Variants in SNX10 observed in about 807,000 individuals in gnomAD.
SNX10 encodes sorting nexin 10.
Under a neutral mutation model 28.5 loss-of-function variants are expected in SNX10, and 25 were observed. The observed-to-expected ratio is 0.88, with a 90% confidence interval of 0.64 to 1.22. The LOEUF is 1.22. Among genes scored for constraint, SNX10 ranks in the 50% most tolerant of loss-of-function variants. SNX10 has a pLI of 0.00. For synonymous variants in SNX10, 62 were observed against 81.4 expected, an observed-to-expected ratio of 0.76 and a Z score of 1.28; for missense variants, 223 against 242.6, an observed-to-expected ratio of 0.92 and a Z score of 0.54.
intron 1 of SNX10, among the ~76,000 whole-genome samples, chr7:26,304,269 G>A (rs1210704815): frequency 2.0e-5 from 3 of 152,144 alleles, no homozygotes; most frequent in Admixed American, 6.6e-5. Flanking sequence ...CCTAGGAGCC[G>A]TTTCTCATCT....
chr7:26,297,098 G>A (rs897313365), intron 1 of SNX10, among the ~76,000 whole-genome samples: 6 of 26,112 alleles, frequency 2.3e-4, no homozygotes, highest in Non-Finnish European at 1.4e-3. Flanking sequence ...TGGTTTTAAA[G>A]AGCTTTTTGT....
chr7:26,316,239 C>T (rs541400709), intron 1 of SNX10, among the ~76,000 whole-genome samples: 13 of 151,442 alleles, frequency 8.6e-5, no homozygotes, highest in African/African-American at 2.7e-4. Flanking sequence ...CATTTCCTTG[C>T]AGCAGATGAC....
chr7:26,294,788 T>C (rs1282348334), intron 1 of SNX10, among the ~76,000 whole-genome samples: 1 of 152,222 alleles, frequency 6.6e-6, no homozygotes, highest in Non-Finnish European at 1.5e-5. Context: ...GAGATAGGTA[T>C]TGTTTTTCTC....
In SNX10 at chr7:26,323,109, G is replaced by C. The variant is rs190911266; in HGVS notation, c.-23-23311G>C. On this transcript the variant is annotated intron_variant, in intron 1 of 6. Transcript: ENST00000338523. Reference sequence around the variant, plus strand: ...TAAAAAAATAACAAAAATTAGCCAAGTGTGGCGGTGTGAGCCTGTAGTGCC... The same window carrying C: ...TAAAAAAATAACAAAAATTAGCCAACTGTGGCGGTGTGAGCCTGTAGTGCC... Among the ~76,000 whole-genome samples, 72 of 152,132 alleles carry C rather than the reference G, an allele frequency of 4.7e-4. 1 individual carries two copies. In the East Asian group the frequency reaches 0.013, roughly 27 times the overall value.
At chr7:26,333,556 C>T (rs1787819732) in intron 1 of SNX10, among the ~76,000 whole-genome samples, 1 of 151,512 alleles carries the variant, frequency 6.6e-6, no homozygotes, top group African/African-American at 2.4e-5. Flanking sequence ...GATCTCCTGA[C>T]CTCATGATCC....
intron 1 of SNX10, among the ~76,000 whole-genome samples, chr7:26,332,737 C>G (rs577324426): frequency 6.6e-6 from 1 of 152,196 alleles, no homozygotes; most frequent in South Asian, 2.1e-4. Flanking sequence ...CATTTTCAGT[C>G]AATATTTGTA....
At chr7:26,313,245 C>G (rs544655681) in intron 1 of SNX10, among the ~76,000 whole-genome samples, 1 of 152,216 alleles carries the variant, frequency 6.6e-6, no homozygotes, top group Admixed American at 6.5e-5. Context: ...GATTAGAATA[C>G]TCACCAGGAG....
chr7:26,306,412 A>ATT (rs35204396), intron 1 of SNX10, among the ~76,000 whole-genome samples: 2,235 of 142,214 alleles, frequency 0.016, 65 homozygotes, highest in African/African-American at 0.053. Context: ...CTTGAAGAGA[A>ATT]TTTTTTTTTT....
intron 1 of SNX10, among the ~76,000 whole-genome samples, chr7:26,346,083 C>T (rs878992708): frequency 2.0e-5 from 3 of 152,306 alleles, no homozygotes; most frequent in South Asian, 4.1e-4. Context: ...AGCATCCCCC[C>T]GCACATGGCT....
intron 1 of SNX10, among the ~76,000 whole-genome samples, chr7:26,312,901 G>C (rs911089338): frequency 2.0e-5 from 3 of 152,160 alleles, no homozygotes; most frequent in African/African-American, 4.8e-5. Flanking sequence ...ATCTAGGATT[G>C]ACAAAGATAA....
At position 26,364,626 on chromosome 7, in the gene SNX10, C is replaced by A. The variant is rs550159815; in HGVS notation, c.203C>A (p.Ala68Glu). ...VWLRQRLQSN[A>E]LLVQLPELPS... ...CTGAGGCAGAGACTCCAAAGTAATG[C>A]GTTGCTGGTGTAAGTGATTTAGAGT... is the stretch of plus-strand genomic sequence containing the variant. Residue 68 changes from alanine (A) to glutamate (E), a missense_variant, in exon 4 of 7, where the codon GCG (alanine) becomes GAG (glutamate). Transcript: ENST00000338523. This position sits in a 1 kb window ranked among gnomAD's most constrained non-coding sequence, Gnocchi z 4.9. 1 of 1,609,660 alleles carries A rather than the reference C, an allele frequency of 6.2e-7. No individual in the cohort carries two copies. Among genetic ancestry groups the A allele is most frequent in the Admixed American group, 1.7e-5 (1 of 59,948 alleles).
At position 26,305,509 on chromosome 7, in the gene SNX10, T is replaced by G. The variant is rs181270949; in HGVS notation, c.-24+13423T>G. 3.9e-5 allele frequency among the ~76,000 whole-genome samples: 6 copies of G among 152,242 alleles called. No homozygotes were observed. In the East Asian group the frequency reaches 1.2e-3, roughly 29 times the overall value. ...TGCCCCCGAAGGTCACTGTCTGGAT[T>G]AGGGGGCAGGCAGTGTTACTGTAGC... On this transcript the variant is annotated intron_variant, in intron 1 of 6. Transcript: ENST00000338523.
intron 2 of SNX10, among the ~76,000 whole-genome samples, chr7:26,347,192 G>T (rs10230728): frequency 0.37 from 56,441 of 152,038 alleles, 10,998 homozygotes; most frequent in South Asian, 0.61. Context: ...CTGCACAAGT[G>T]GAAAGCATGA....
chr7:26,360,214 C>A (rs1562818086), intron 2 of SNX10, among the ~76,000 whole-genome samples: 1 of 152,178 alleles, frequency 6.6e-6, no homozygotes, highest in Admixed American at 6.5e-5. Flanking sequence ...AAGTCAACTT[C>A]AACCCTCTTT....
At chr7:26,318,773 T>C (rs1787193423) in intron 1 of SNX10, among the ~76,000 whole-genome samples, 1 of 152,190 alleles carries the variant, frequency 6.6e-6, no homozygotes, top group South Asian at 2.1e-4. Flanking sequence ...ACCCAGCCCA[T>C]ACTTAATTTT....
intron 1 of SNX10, among the ~76,000 whole-genome samples, chr7:26,321,723 T>G (rs1452583510): frequency 6.6e-6 from 1 of 152,078 alleles, no homozygotes; most frequent in Non-Finnish European, 1.5e-5. Flanking sequence ...CCTTACTTCA[T>G]TATCTTCTCC....
At chr7:26,338,719 A>G (rs1027611529) in intron 1 of SNX10, among the ~76,000 whole-genome samples, 5 of 152,010 alleles carry the variant, frequency 3.3e-5, no homozygotes, top group South Asian at 2.1e-4. Flanking sequence ...AGAGTTTTTA[A>G]AGACAATTTG....
intron 1 of SNX10, among the ~76,000 whole-genome samples, chr7:26,316,244 G>T (rs1457404094): frequency 6.6e-6 from 1 of 151,164 alleles, no homozygotes; most frequent in Non-Finnish European, 1.5e-5. Flanking sequence ...CCTTGCAGCA[G>T]ATGACAACTT....
In SNX10 at chr7:26,367,335, C is replaced by T. The variant is rs939200219; in HGVS notation, c.311+2190C>T. ...AGCACTGTGTACACATCCAGGGCTA[C>T]GGCTAGATTCATTAACACTGAATCT... On this transcript the variant is annotated intron_variant, in intron 5 of 6. Transcript: ENST00000338523. Among the ~76,000 whole-genome samples, 88 of 152,126 alleles carry T rather than the reference C, an allele frequency of 5.8e-4. 2 individuals are homozygous for T. Among genetic ancestry groups the T allele is most frequent in the Admixed American group, 5.6e-3 (85 of 15,270 alleles).
Sources: gnomAD v4.1 joint callset for allele counts (sites outside exome capture counted in the v4.1 genomes callset) on GRCh38, gnomAD v4.1.1 for gene constraint, Gnocchi (gnomAD v3.1) non-coding constraint, MANE v1.5 for transcripts, NCBI Gene and HGNC (gene_info 2026-07-23, HGNC 2026-07-21) for gene names.